Variants in CSMD1 observed in about 807,000 individuals in gnomAD.
The protein encoded by CSMD1 is CUB and sushi domain-containing protein 1.
Under a neutral mutation model 417.5 loss-of-function variants are expected in CSMD1, and 213 were observed. The ratio of observed to expected loss-of-function variants is 0.51; its 90% CI spans 0.46 to 0.57. CSMD1 has a LOEUF of 0.57. Among genes scored for constraint, CSMD1 ranks in the 20% least tolerant of loss-of-function variants. CSMD1 has a pLI of 0.00. For synonymous variants in CSMD1, 2,862 were observed against 1,736.8 expected, an observed-to-expected ratio of 1.65 and a Z score of -16.11; for missense variants, 6,923 against 4,529.7, an observed-to-expected ratio of 1.53 and a Z score of -15.17.
At chr8:4,919,625 T>C (rs1252039973) in intron 1 of CSMD1, among the ~76,000 whole-genome samples, 8 of 152,134 alleles carry the variant, frequency 5.3e-5, no homozygotes, top group South Asian at 2.1e-4. Flanking sequence ...TACCATAATA[T>C]GAAAAGTTTT....
At chr8:4,015,631 C>T (rs1796484540) in intron 4 of CSMD1, among the ~76,000 whole-genome samples, 1 of 128,130 alleles carries the variant, frequency 7.8e-6, no homozygotes, top group East Asian at 2.3e-4. Context: ...ATACAACAGT[C>T]TCAAAATAGA....
chr8:2,985,704 C>G (rs1439442578), intron 54 of CSMD1, among the ~76,000 whole-genome samples: 1 of 152,262 alleles, frequency 6.6e-6, no homozygotes, highest in South Asian at 2.1e-4. Context: ...GAGAGGGTGA[C>G]TCAGCTTCAC....
chr8:4,670,954 TGACATCC>T (rs1805281628), intron 1 of CSMD1, among the ~76,000 whole-genome samples: 1 of 152,236 alleles, frequency 6.6e-6, no homozygotes, highest in Admixed American at 6.5e-5. Context: ...AACAGTCATA[TGACATCC>T]ATGCTATCTC....
intron 26 of CSMD1, among the ~76,000 whole-genome samples, chr8:3,272,170 C>T (rs1296752940): frequency 6.8e-6 from 1 of 146,782 alleles, no homozygotes; most frequent in Non-Finnish European, 1.5e-5. Context: ...TTTCCCAGCA[C>T]CATTTATTAA....
At chr8:3,959,203 T>C (rs1394909468) in intron 5 of CSMD1, among the ~76,000 whole-genome samples, 2 of 152,218 alleles carry the variant, frequency 1.3e-5, no homozygotes, top group Non-Finnish European at 2.9e-5. Context: ...ACTTAAAAAA[T>C]TCTTATAGTT....
At chr8:3,490,937 A>T (rs1324519002) in intron 11 of CSMD1, among the ~76,000 whole-genome samples, 1 of 152,194 alleles carries the variant, frequency 6.6e-6, no homozygotes, top group Non-Finnish European at 1.5e-5. Context: ...GGTGCAGAAA[A>T]ATAGGATCCT....
At chr8:3,712,765 C>G (rs888454984) in intron 6 of CSMD1, among the ~76,000 whole-genome samples, 1 of 152,120 alleles carries the variant, frequency 6.6e-6, no homozygotes, top group Non-Finnish European at 1.5e-5. Flanking sequence ...GTCTCACATT[C>G]CCTGGTGTCT....
chr8:4,987,771 C>A (rs1407828291), intron 1 of CSMD1, among the ~76,000 whole-genome samples: 1 of 152,186 alleles, frequency 6.6e-6, no homozygotes, highest in South Asian at 2.1e-4. Flanking sequence ...AGCTCATCAA[C>A]TGTCATCTTG....
chr8:4,625,716 G>A (rs900373789), intron 2 of CSMD1, among the ~76,000 whole-genome samples: 4 of 152,022 alleles, frequency 2.6e-5, no homozygotes, highest in Non-Finnish European at 5.9e-5. Flanking sequence ...ACATATTCAA[G>A]ACAGGCTTGG....
intron 1 of CSMD1, among the ~76,000 whole-genome samples, chr8:4,899,013 T>G (rs1216465850): frequency 6.6e-6 from 1 of 152,314 alleles, no homozygotes; most frequent in South Asian, 2.1e-4. Flanking sequence ...AGTGAGAGTT[T>G]TATGCTAAAC....
At chr8:4,153,649 C>T (rs17404997) in intron 3 of CSMD1, among the ~76,000 whole-genome samples, 254 of 152,306 alleles carry the variant, frequency 1.7e-3, no homozygotes, top group Non-Finnish European at 3.1e-3. Context: ...AGCTGACATC[C>T]TTTATTTTCT....
chr8:4,446,102 G>A (rs1467207851), intron 2 of CSMD1, among the ~76,000 whole-genome samples: 1 of 152,180 alleles, frequency 6.6e-6, no homozygotes, highest in Non-Finnish European at 1.5e-5. Context: ...ACTGTAGACA[G>A]CAAGTTGTGA....
chr8:4,253,696 T>A (rs1803241076), intron 3 of CSMD1, among the ~76,000 whole-genome samples: 1 of 152,056 alleles, frequency 6.6e-6, no homozygotes, highest in African/African-American at 2.4e-5. Flanking sequence ...AATATAAAAT[T>A]TGCCAACTAA....
At chr8:4,305,056 A>C (rs905437356) in intron 3 of CSMD1, among the ~76,000 whole-genome samples, 1 of 152,190 alleles carries the variant, frequency 6.6e-6, no homozygotes, top group African/African-American at 2.4e-5. Flanking sequence ...CAACACAGGC[A>C]CCTATTCGTT....
In CSMD1 at chr8:4,813,633, G is replaced by A. The variant is rs549834244; in HGVS notation, c.86-176075C>T. ...TGCCATGTTTCTAAAAGGGTCTCCA[G>A]AGCTGTAATAACATCAATTTACACG... On this transcript the variant is annotated intron_variant, in intron 1 of 69. Transcript: ENST00000635120. Among the ~76,000 whole-genome samples the A allele has an allele frequency of 2.6e-5, 4 of 152,292 alleles. No homozygotes were observed. In the South Asian group the frequency reaches 8.3e-4, roughly 32 times the overall value.
intron 12 of CSMD1, among the ~76,000 whole-genome samples, chr8:3,449,690 G>C (rs186357830): frequency 1.3e-5 from 2 of 151,946 alleles, no homozygotes; most frequent in East Asian, 1.9e-4. Flanking sequence ...GCTAATTTTT[G>C]TATTTTTAGT....
At chr8:4,474,938 G>A (rs913428941) in intron 2 of CSMD1, among the ~76,000 whole-genome samples, 3 of 151,972 alleles carry the variant, frequency 2.0e-5, no homozygotes, top group Admixed American at 1.3e-4. Context: ...GTTAATTGAC[G>A]GTTTGTGTTA....
At chr8:3,704,052 C>T (rs764327135) in intron 7 of CSMD1, among the ~76,000 whole-genome samples, 1 of 152,136 alleles carries the variant, frequency 6.6e-6, no homozygotes, top group Non-Finnish European at 1.5e-5. Context: ...ACCTGGGTGT[C>T]AGAGTGAAAC....
At chr8:3,710,168 G>A (rs1025160602) in intron 6 of CSMD1, among the ~76,000 whole-genome samples, 1 of 151,954 alleles carries the variant, frequency 6.6e-6, no homozygotes, top group African/African-American at 2.4e-5. Context: ...TTGTCTGCAA[G>A]TTTTTTGTTT....
Sources: gnomAD v4.1 joint callset for allele counts (sites outside exome capture counted in the v4.1 genomes callset) on GRCh38, gnomAD v4.1.1 for gene constraint, MANE v1.5 for transcripts, NCBI Gene and HGNC (gene_info 2026-07-23, HGNC 2026-07-21) for gene names.